Variants in DLG1 observed in about 807,000 individuals in gnomAD.
DLG1 encodes discs large MAGUK scaffold protein 1, also known as disks large homolog 1.
In DLG1, 42 loss-of-function variants were observed where a neutral mutation model predicts 123.4. The ratio of observed to expected loss-of-function variants is 0.34; its 90% CI spans 0.27 to 0.44. The LOEUF is 0.44. DLG1 is among the 20% of genes least tolerant of loss of function. The pLI is 1.00. For synonymous variants in DLG1, 317 were observed against 356.2 expected (o/e 0.89, Z 1.24); for missense variants, 942 against 1,082.6 (o/e 0.87, Z 1.82).
intron 8 of DLG1, 118 bp downstream of exon 8, chr3:197,140,022 C>G (rs1428257340): frequency 1.5e-5 from 17 of 1,105,254 alleles, no homozygotes; most frequent in Non-Finnish European, 2.2e-5. Flanking sequence ...GTTAAAGCAT[C>G]TACCCTATGC....
At chr3:197,068,583 T>C in intron 19 of DLG1, 1 of 1,323,286 alleles carries the variant, frequency 7.6e-7, no homozygotes, top group Non-Finnish European at 1.1e-6. Flanking sequence ...GAAAAGTAAT[T>C]TTAATTTTTA....
Position 197,081,123 on chromosome 3 carries a change from A to G in DLG1, c.1839-6T>C. ...CTCGTTCTTTCTTCTCAACTCTGTC[A>G]AAGTATAGAATGTTATTTTTTAAGT... On this transcript the variant is annotated splice_polypyrimidine_tract_variant and splice_region_variant and intron_variant, in intron 16 of 24. Transcript: ENST00000667157. The G allele has an allele frequency of 6.2e-7, 1 of 1,611,536 alleles. No individual in the cohort carries two copies. The highest frequency in any genetic ancestry group is 1.7e-5 in the Admixed American group (1 of 59,740).
chr3:197,087,772 A>T (rs915147702), intron 15 of DLG1, among the ~76,000 whole-genome samples: 25 of 152,224 alleles, frequency 1.6e-4, no homozygotes, highest in African/African-American at 5.8e-4. Flanking sequence ...ATAAATTAGA[A>T]GTGTACAGTA....
chr3:197,273,188 ATG>A (rs34778202), intron 4 of DLG1, among the ~76,000 whole-genome samples: 2,297 of 147,852 alleles, frequency 0.016, 47 homozygotes, highest in African/African-American at 0.046. Context: ...CACTGAATAT[ATG>A]TGTGTGTGTG....
intron 4 of DLG1, among the ~76,000 whole-genome samples, chr3:197,222,978 C>G (rs1737920205): frequency 6.6e-6 from 1 of 152,160 alleles, no homozygotes; most frequent in African/African-American, 2.4e-5. Flanking sequence ...TACCTCATTT[C>G]CTCCTAGGGA....
At chr3:197,262,202 G>T (rs989271159) in intron 4 of DLG1, among the ~76,000 whole-genome samples, 1 of 152,146 alleles carries the variant, frequency 6.6e-6, no homozygotes, top group African/African-American at 2.4e-5. Flanking sequence ...GAGGGTTAGA[G>T]GGCTGGAACT....
chr3:197,290,240 A>G (rs751740725), intron 3 of DLG1, among the ~76,000 whole-genome samples: 1 of 152,246 alleles, frequency 6.6e-6, no homozygotes, highest in Non-Finnish European at 1.5e-5. Flanking sequence ...AATAAAATGC[A>G]AAGTGTTAAC....
chr3:197,098,117 CAA>C (rs1017731995), intron 14 of DLG1, among the ~76,000 whole-genome samples: 4 of 152,132 alleles, frequency 2.6e-5, no homozygotes, highest in African/African-American at 9.7e-5. Context: ...GCTCTTGAAA[CAA>C]AAGAGACTTC....
chr3:197,196,049 G>A (rs1722313126), intron 4 of DLG1, among the ~76,000 whole-genome samples: 1 of 151,138 alleles, frequency 6.6e-6, no homozygotes, highest in Non-Finnish European at 1.5e-5. Flanking sequence ...CAAAAGCCTT[G>A]AAAATGTTTT....
intron 18 of DLG1, among the ~76,000 whole-genome samples, chr3:197,072,166 C>T (rs184642586): frequency 6.6e-5 from 10 of 152,228 alleles, no homozygotes; most frequent in Admixed American, 5.2e-4. Flanking sequence ...TTAGGCACTT[C>T]CCAACTGTAA....
chr3:197,245,904 G>T (rs902655297), intron 4 of DLG1, among the ~76,000 whole-genome samples: 1 of 142,290 alleles, frequency 7.0e-6, no homozygotes, highest in African/African-American at 2.6e-5. Flanking sequence ...TTTTTTTGGG[G>T]GGGGGGGAGG....
Position 197,071,930 on chromosome 3 carries a change from A to G in DLG1, c.2006-2670T>C, listed in dbSNP as rs568395022. ...TACGACCCAGCAATTCCTTTCCTAG[A>G]TATTTCCCCAACAGAAAGGCATATA... On this transcript the variant is annotated intron_variant, in intron 18 of 24. Coordinates refer to ENST00000667157, the MANE Select transcript of DLG1 (RefSeq NM_001366207.1). 8.5e-5 allele frequency among the ~76,000 whole-genome samples: 13 copies of G among 152,244 alleles called. No individual in the cohort carries two copies. The East Asian group carries it at 1.7e-3, about 20-fold the overall frequency.
At chr3:197,051,191 C>T (rs553412188) in intron 24 of DLG1, among the ~76,000 whole-genome samples, 2 of 152,012 alleles carry the variant, frequency 1.3e-5, no homozygotes, top group South Asian at 2.1e-4. Context: ...CTGACCAACA[C>T]GGCGAAACCC....
At chr3:197,059,571 T>C (rs568049966) in intron 23 of DLG1, among the ~76,000 whole-genome samples, 1 of 151,258 alleles carries the variant, frequency 6.6e-6, no homozygotes, top group East Asian at 1.9e-4. Flanking sequence ...TATTAGGTAA[T>C]GGTTATACAT....
intron 5 of DLG1, among the ~76,000 whole-genome samples, chr3:197,158,600 C>T (rs1797411053): frequency 7.2e-6 from 1 of 139,618 alleles, no homozygotes; most frequent in South Asian, 2.2e-4. Context: ...TGCCATTGCA[C>T]TCCAGCCTGG....
intron 5 of DLG1, chr3:197,183,435 G>A (rs931559882): frequency 2.2e-5 from 17 of 780,986 alleles, no homozygotes; most frequent in East Asian, 5.4e-5. Context: ...AGACCTACAC[G>A]GATGGACAGA....
chr3:197,075,696 A>C, intron 18 of DLG1: 1 of 550,010 alleles, frequency 1.8e-6, no homozygotes, highest in Non-Finnish European at 3.1e-6. Context: ...CATGTGATAA[A>C]CATGAAAATT....
At chr3:197,066,154 G>C (rs545164409) in intron 20 of DLG1, among the ~76,000 whole-genome samples, 10 of 152,124 alleles carry the variant, frequency 6.6e-5, no homozygotes, top group Non-Finnish European at 1.5e-4. Context: ...GAGCAAAGAA[G>C]GGCAGAACAG....
At chr3:197,288,844 T>TA (rs1273983075) in intron 3 of DLG1, among the ~76,000 whole-genome samples, 4 of 150,218 alleles carry the variant, frequency 2.7e-5, no homozygotes, top group African/African-American at 7.4e-5. Flanking sequence ...ACAATATGTA[T>TA]AGTACAGAGA....
Sources: allele counts gnomAD v4.1 joint callset (sites outside exome capture counted in the v4.1 genomes callset), GRCh38; gene constraint gnomAD v4.1.1; transcripts MANE v1.5; gene names NCBI Gene and HGNC (gene_info 2026-07-23, HGNC 2026-07-21).